The following BRD10 variants were observed in gnomAD, a reference collection of about 807,000 sequenced individuals.
The protein encoded by BRD10 is uncharacterized bromodomain-containing protein 10.
At chr9:5,904,956 G>A in the BRD10 span, among the ~76,000 whole-genome samples, 1 of 151,850 alleles carries the variant, frequency 6.6e-6, no homozygotes. Context: ...TGTATTTATA[G>A]TAGAGATGTC....
chr9:5,880,372 C>A, the BRD10 span, among the ~76,000 whole-genome samples: 1 of 151,916 alleles, frequency 6.6e-6, no homozygotes, highest in Admixed American at 6.5e-5. Context: ...ATTAGCCGGG[C>A]GTCATGGCAC....
chr9:5,969,844 C>G, the BRD10 span, among the ~76,000 whole-genome samples: 23 of 152,282 alleles, frequency 1.5e-4, no homozygotes, highest in African/African-American at 5.3e-4. Context: ...CTGTGCCCAG[C>G]CTGCCCTAGT....
At chr9:5,936,997 T>A in the BRD10 span, among the ~76,000 whole-genome samples, 4 of 151,672 alleles carry the variant, frequency 2.6e-5, no homozygotes, top group African/African-American at 9.7e-5. Context: ...TTTGGGAGGC[T>A]GAGGTGGGTG....
the BRD10 span, among the ~76,000 whole-genome samples, chr9:5,966,507 T>G: frequency 1.7e-5 from 2 of 120,396 alleles, no homozygotes; most frequent in Non-Finnish European, 3.2e-5. Flanking sequence ...TTGACCAGGC[T>G]GGGGTGCAGT....
At chr9:5,893,908 GC>G in the BRD10 span, among the ~76,000 whole-genome samples, 2 of 108,196 alleles carry the variant, frequency 1.8e-5, no homozygotes, top group African/African-American at 7.6e-5. Flanking sequence ...CTCCACCCCC[GC>G]CCCCCGCCCC....
the BRD10 span, among the ~76,000 whole-genome samples, chr9:5,966,455 CTTTT>C: frequency 1.7e-3 from 145 of 83,774 alleles, 1 homozygote; most frequent in Admixed American, 0.016. Flanking sequence ...CTAACATTTC[CTTTT>C]TTTTTTTTTT....
chr9:5,906,997 TG>T, the BRD10 span: 1 of 1,584,282 alleles, frequency 6.3e-7, no homozygotes, highest in South Asian at 1.2e-5. Context: ...TGTGAACCTG[TG>T]GTAGGTTAAG....
At chr9:5,921,486 G>C in the BRD10 span, 15 of 1,613,894 alleles carry the variant, frequency 9.3e-6, no homozygotes, top group Non-Finnish European at 1.3e-5. Context: ...ACTAATTTCT[G>C]GGCAGAAACA....
the BRD10 span, among the ~76,000 whole-genome samples, chr9:5,930,685 T>C: frequency 6.6e-6 from 1 of 152,086 alleles, no homozygotes; most frequent in South Asian, 2.1e-4. Context: ...GAAAAAAAAT[T>C]CAAGAAAAGT....
the BRD10 span, among the ~76,000 whole-genome samples, chr9:5,991,722 C>CT: frequency 9.4e-6 from 1 of 105,972 alleles, no homozygotes; most frequent in African/African-American, 4.3e-5. Context: ...AAGACTCTGT[C>CT]TTAAAAAAAA....
At chr9:6,004,237 T>G in the BRD10 span, among the ~76,000 whole-genome samples, 35 of 152,364 alleles carry the variant, frequency 2.3e-4, no homozygotes, top group African/African-American at 7.9e-4. Flanking sequence ...TCTTGTACTT[T>G]GTTCATATAT....
chr9:5,922,244 G>A, the BRD10 span: 4 of 1,613,982 alleles, frequency 2.5e-6, no homozygotes, highest in Admixed American at 3.3e-5. Flanking sequence ...ACAGTTGAAG[G>A]AACTACCAGG....
chr9:5,975,732 A>G, the BRD10 span, among the ~76,000 whole-genome samples: 3 of 152,148 alleles, frequency 2.0e-5, no homozygotes, highest in Non-Finnish European at 4.4e-5. Context: ...ATATACTTAG[A>G]AGAGAAGAGA....
chr9:5,926,462 C>T, the BRD10 span, among the ~76,000 whole-genome samples: 1 of 152,216 alleles, frequency 6.6e-6, no homozygotes, highest in Non-Finnish European at 1.5e-5. Flanking sequence ...CATGCACCAC[C>T]ATACCTGGCT....
chr9:5,946,459 G>C, the BRD10 span, among the ~76,000 whole-genome samples: 1 of 151,996 alleles, frequency 6.6e-6, no homozygotes, highest in Non-Finnish European at 1.5e-5. Flanking sequence ...TGGCCAACCA[G>C]GTAAGTGGGT....
the BRD10 span, among the ~76,000 whole-genome samples, chr9:5,885,213 G>A: frequency 6.6e-6 from 1 of 152,164 alleles, no homozygotes; most frequent in Non-Finnish European, 1.5e-5. Context: ...GCAAGCGCTT[G>A]TTAGCTGATT....
At chr9:5,922,222 C>G in the BRD10 span, 2 of 1,613,960 alleles carry the variant, frequency 1.2e-6, no homozygotes, top group Non-Finnish European at 1.7e-6. Flanking sequence ...AATCAGCAGT[C>G]TGTTGTGCAA....
At chr9:5,943,544 A>AT in the BRD10 span, among the ~76,000 whole-genome samples, 2 of 147,578 alleles carry the variant, frequency 1.4e-5, no homozygotes, top group South Asian at 2.2e-4. Context: ...AGCATAAAAC[A>AT]TAAAAAAAAA....
chr9:5,968,616 G>C, the BRD10 span: 1 of 1,613,662 alleles, frequency 6.2e-7, no homozygotes, highest in Non-Finnish European at 8.5e-7. Context: ...TTATTTTCCT[G>C]CTCTTTCTTG....
Sources: allele counts gnomAD v4.1 joint callset (sites outside exome capture counted in the v4.1 genomes callset), GRCh38; gene constraint gnomAD v4.1.1; transcripts MANE v1.5; gene names NCBI Gene and HGNC (gene_info 2026-07-23, HGNC 2026-07-21).